The following PDGFC variants were observed in gnomAD, a reference collection of about 807,000 sequenced individuals.
The protein encoded by PDGFC is platelet derived growth factor C, also known as platelet-derived growth factor C.
In PDGFC, 12 loss-of-function variants were observed where a neutral mutation model predicts 35.5. The observed-to-expected ratio is 0.34, with a 90% confidence interval of 0.22 to 0.55. The LOEUF is 0.55. PDGFC is among the 20% of genes least tolerant of loss of function. The pLI, the probability that PDGFC is intolerant of heterozygous loss-of-function variation, is 0.91. For missense variants in PDGFC, 322 were observed against 412.4 expected (o/e 0.78, Z 1.90); for synonymous variants, 159 against 148.8 (o/e 1.07, Z -0.50).
chr4:156,881,827 CA>C (rs758716456), intron 1 of PDGFC, among the ~76,000 whole-genome samples: 7,583 of 82,188 alleles, frequency 0.092, 573 homozygotes, highest in African/African-American at 0.27. Context: ...GCCTCAGTCT[CA>C]AAAAAAAAAA....
At position 156,971,324 on chromosome 4, in the gene PDGFC, C is replaced by T. The variant is rs1732588234; in HGVS notation, c.-421G>A. On this transcript the variant is annotated 5_prime_UTR_variant, in exon 1 of 6. Transcript: ENST00000502773. Reference sequence around the variant, plus strand: ...AACTCAAGGGTTGCCCGCAGCCAGACTGGAAGCCAAGTCGGCGGCGAGCAG... The same window carrying T: ...AACTCAAGGGTTGCCCGCAGCCAGATTGGAAGCCAAGTCGGCGGCGAGCAG... 3 of 399,460 alleles carry T rather than the reference C, an allele frequency of 7.5e-6. No individual in the cohort carries two copies. The highest frequency in any genetic ancestry group is 1.3e-5 in the Non-Finnish European group (3 of 226,630). 24.7% of individuals were successfully genotyped at this position (399,460 alleles called of 1,614,324 possible). A position where few individuals can be genotyped will look rare whatever the true frequency, so the allele number is the denominator to read the frequency against.
rs189686986 is a variant in PDGFC, at chr4:156,774,014, C to G, written c.496-1121G>C. ...GCAGCTTCTAACCTTATCTCCTTAC[C>G]TTTAATCATTTTTCTCTCCTTTTGT... On this transcript the variant is annotated intron_variant, in intron 3 of 5. Coordinates refer to ENST00000502773, the MANE Select transcript of PDGFC (RefSeq NM_016205.3). Among the ~76,000 whole-genome samples, 6 of 152,230 alleles carry G rather than the reference C, an allele frequency of 3.9e-5. No homozygotes were observed. The East Asian group carries it at 9.7e-4, about 25-fold the overall frequency.
intron 1 of PDGFC, among the ~76,000 whole-genome samples, chr4:156,892,920 T>A (rs1730547850): frequency 6.6e-6 from 1 of 152,196 alleles, no homozygotes; most frequent in Non-Finnish European, 1.5e-5. Context: ...GACTTGACCT[T>A]CCTATTAAGT....
chr4:156,775,296 T>C (rs1296895409), intron 3 of PDGFC, among the ~76,000 whole-genome samples: 1 of 152,156 alleles, frequency 6.6e-6, no homozygotes, highest in Non-Finnish European at 1.5e-5. Context: ...TATATATGTA[T>C]ACAAATGTTT....
At chr4:156,782,851 A>G (rs1013863958) in intron 3 of PDGFC, among the ~76,000 whole-genome samples, 2 of 152,222 alleles carry the variant, frequency 1.3e-5, no homozygotes, top group African/African-American at 2.4e-5. Context: ...TAAATCATTC[A>G]GTAGACTATA....
intron 1 of PDGFC, among the ~76,000 whole-genome samples, chr4:156,898,221 G>C (rs563819917): frequency 2.6e-4 from 40 of 152,212 alleles, no homozygotes; most frequent in African/African-American, 9.4e-4. Flanking sequence ...ACTGAGAAGT[G>C]GGCCCTCACC....
intron 3 of PDGFC, among the ~76,000 whole-genome samples, chr4:156,796,156 GA>G (rs1175751468): frequency 1.3e-5 from 2 of 151,902 alleles, no homozygotes; most frequent in African/African-American, 2.4e-5. Flanking sequence ...ACCTACTTCA[GA>G]AAAAAAGTTT....
intron 4 of PDGFC, among the ~76,000 whole-genome samples, chr4:156,770,858 T>A (rs1437585700): frequency 2.0e-5 from 3 of 152,178 alleles, no homozygotes; most frequent in Non-Finnish European, 4.4e-5. Flanking sequence ...GAGGGTGGTC[T>A]TTCTAAGATG....
intron 1 of PDGFC, among the ~76,000 whole-genome samples, chr4:156,871,762 C>A (rs1729989535): frequency 6.6e-6 from 1 of 151,776 alleles, no homozygotes; most frequent in Admixed American, 6.6e-5. Flanking sequence ...TAAATTGAGT[C>A]TATGGATGAC....
intron 3 of PDGFC, chr4:156,779,232 G>A (rs1357271296): frequency 4.5e-6 from 2 of 447,004 alleles, no homozygotes; most frequent in Non-Finnish European, 4.5e-6. Flanking sequence ...GTTCTTATCC[G>A]AATTCATTCA....
At chr4:156,871,577 T>C (rs1365914101) in intron 1 of PDGFC, among the ~76,000 whole-genome samples, 1 of 152,124 alleles carries the variant, frequency 6.6e-6, no homozygotes, top group Non-Finnish European at 1.5e-5. Context: ...TGTACATATT[T>C]TTATACATAA....
chr4:156,959,723 G>C (rs573833225), intron 1 of PDGFC, among the ~76,000 whole-genome samples: 60 of 152,088 alleles, frequency 3.9e-4, no homozygotes, highest in Admixed American at 3.5e-3. Flanking sequence ...TCTTCCAGAA[G>C]ATTTGCACCT....
chr4:156,954,937 G>T (rs943097551), intron 1 of PDGFC, among the ~76,000 whole-genome samples: 1 of 152,108 alleles, frequency 6.6e-6, no homozygotes, highest in African/African-American at 2.4e-5. Flanking sequence ...CCATCCAGTG[G>T]GGCATTAGGC....
intron 5 of PDGFC, among the ~76,000 whole-genome samples, chr4:156,765,821 A>T (rs769091655): frequency 3.3e-5 from 5 of 152,154 alleles, no homozygotes; most frequent in African/African-American, 4.8e-5. Context: ...GAATAAGACT[A>T]GGCACAGTGA....
intron 2 of PDGFC, among the ~76,000 whole-genome samples, chr4:156,811,505 A>G (rs2110946286): frequency 6.6e-6 from 1 of 152,026 alleles, no homozygotes; most frequent in East Asian, 1.9e-4. Context: ...TTCGCACTTC[A>G]CTTGGTACTG....
At chr4:156,796,491 A>ATTTTTTTTTTTTTTTTTTTTTTTTTTTT (rs35891804) in intron 3 of PDGFC, among the ~76,000 whole-genome samples, 11 of 101,632 alleles carry the variant, frequency 1.1e-4, no homozygotes, top group Non-Finnish European at 1.8e-4. Context: ...ACCACTTTGT[A>ATTTTTTTTTTTTTTTTTTTTTTTTTTTT]TTTTTTTTTT....
chr4:156,801,415 G>A lies in PDGFC; in HGVS notation c.495+9422C>T, dbSNP rs561998625. ...GTCTTGATAAATCAGCTGTATCTGGGCACTTGACAAAAAGAGCCCCCTGGA... is the reference window on the plus strand; with the variant it reads ...GTCTTGATAAATCAGCTGTATCTGGACACTTGACAAAAAGAGCCCCCTGGA... On this transcript the variant is annotated intron_variant, in intron 3 of 5. Transcript: ENST00000502773. Among the ~76,000 whole-genome samples, 36 of 152,218 alleles carry A rather than the reference G, an allele frequency of 2.4e-4. No individual in the cohort carries two copies. In the South Asian group the frequency reaches 7.1e-3, roughly 30 times the overall value.
chr4:156,927,680 T>C (rs1013175100), intron 1 of PDGFC, among the ~76,000 whole-genome samples: 2 of 152,174 alleles, frequency 1.3e-5, no homozygotes, highest in African/African-American at 4.8e-5. Flanking sequence ...TCATTGTCCA[T>C]ATCACTATCA....
intron 2 of PDGFC, among the ~76,000 whole-genome samples, chr4:156,815,428 G>T (rs1732060144): frequency 6.6e-6 from 1 of 151,578 alleles, no homozygotes; most frequent in Non-Finnish European, 1.5e-5. Flanking sequence ...AGTGAGGATA[G>T]AAAAAGAATA....
Sources: gnomAD v4.1 joint callset for allele counts (sites outside exome capture counted in the v4.1 genomes callset) on GRCh38, gnomAD v4.1.1 for gene constraint, MANE v1.5 for transcripts, NCBI Gene and HGNC (gene_info 2026-07-23, HGNC 2026-07-21) for gene names.